Variants in DCAF10 observed in about 807,000 individuals in gnomAD.
The protein encoded by DCAF10 is DDB1 and CUL4 associated factor 10.
A neutral mutation model predicts 51.9 loss-of-function variants in DCAF10; 19 were observed. That is an observed-to-expected ratio of 0.37 (90% CI 0.26 to 0.54). The LOEUF (loss-of-function observed/expected upper bound fraction) is 0.54, where lower values mean the gene tolerates loss of function less well. DCAF10 is among the 20% of genes least tolerant of loss of function. The pLI is 0.87. For missense variants in DCAF10, 510 were observed against 730.6 expected, an observed-to-expected ratio of 0.70 and a Z score of 3.48; for synonymous variants, 291 against 297.1, an observed-to-expected ratio of 0.98 and a Z score of 0.21.
chr9:37,828,445 G>GA (rs1829916371), intron 2 of DCAF10, among the ~76,000 whole-genome samples: 1 of 148,254 alleles, frequency 6.7e-6, no homozygotes, highest in African/African-American at 2.6e-5. Flanking sequence ...CCCCCTCTCA[G>GA]AAAAAAGAAA....
chr9:37,820,135 C>T (rs1232577267), intron 2 of DCAF10, among the ~76,000 whole-genome samples: 2 of 151,826 alleles, frequency 1.3e-5, no homozygotes, highest in Non-Finnish European at 2.9e-5. Context: ...TTTTAATTTT[C>T]TAAAAAAAGA....
chr9:37,844,020 T>C (rs1830407027), intron 3 of DCAF10, among the ~76,000 whole-genome samples: 1 of 152,080 alleles, frequency 6.6e-6, no homozygotes, highest in African/African-American at 2.4e-5. Flanking sequence ...GCAAACAAAA[T>C]AAAGTTTAAG....
intron 2 of DCAF10, among the ~76,000 whole-genome samples, chr9:37,821,547 A>G (rs1020653356): frequency 1.3e-5 from 2 of 152,336 alleles, no homozygotes; most frequent in African/African-American, 4.8e-5. Flanking sequence ...CACCCTTTTC[A>G]ACAAATGGTG....
intron 2 of DCAF10, among the ~76,000 whole-genome samples, chr9:37,821,912 A>T (rs1829712817): frequency 6.7e-6 from 1 of 148,286 alleles, no homozygotes; most frequent in Non-Finnish European, 1.5e-5. Context: ...TCAAATCAGT[A>T]AAAAAAAAAC....
In DCAF10 at chr9:37,800,997, C is replaced by T; in HGVS notation, c.131C>T (p.Ala44Val). 6.5e-7 allele frequency: 1 copy of T among 1,531,698 alleles called. No homozygotes were observed. The highest frequency in any genetic ancestry group is 1.4e-5 in the African/African-American group (1 of 70,808). The allele number at this position is 1,531,698 out of a possible 1,614,324, so 94.9% of individuals were successfully genotyped here. The change falls in exon 1 of 7, where the codon GCG becomes GTG. Residue 44 changes from alanine to valine, a missense_variant. Coordinates refer to ENST00000377724, the MANE Select transcript of DCAF10 (RefSeq NM_024345.5). ...PPSPLHPGAD[A>V]THPPPPARSP... ...TCGCCACTACATCCCGGGGCTGATG[C>T]GACCCATCCCCCTCCACCCGCCCGA...
chr9:37,826,852 T>C, intron 2 of DCAF10, among the ~76,000 whole-genome samples: 1 of 137,494 alleles, frequency 7.3e-6, no homozygotes, highest in Non-Finnish European at 1.5e-5. Context: ...TGAGATGGAG[T>C]TGTGCTCTTG....
intron 2 of DCAF10, among the ~76,000 whole-genome samples, chr9:37,835,679 A>G (rs1830141178): frequency 6.6e-6 from 1 of 152,146 alleles, no homozygotes; most frequent in Non-Finnish European, 1.5e-5. Flanking sequence ...CGGAGGTTGC[A>G]GAGAGCTGAG....
intron 1 of DCAF10, among the ~76,000 whole-genome samples, chr9:37,808,987 G>T (rs890365690): frequency 6.7e-6 from 1 of 149,760 alleles, no homozygotes; most frequent in Admixed American, 6.8e-5. Context: ...ATGTGCCTGT[G>T]GTCCTAGCTA....
At chr9:37,855,638 A>G (rs997177115) in intron 4 of DCAF10, among the ~76,000 whole-genome samples, 5 of 152,212 alleles carry the variant, frequency 3.3e-5, no homozygotes, top group Admixed American at 1.3e-4. Flanking sequence ...CATTTACATT[A>G]TAAACAAAAA....
rs774690008 is a variant in DCAF10, at chr9:37,801,268, C to T, written c.402C>T (p.Arg134=). Residue 134 remains arginine (R), a synonymous_variant, in exon 1 of 7, where the codon CGC becomes CGT. Coordinates refer to ENST00000377724, the MANE Select transcript of DCAF10 (RefSeq NM_024345.5). The surrounding 1 kb of genome is among the most constrained non-coding windows in gnomAD (Gnocchi z 5.5). ...GGCTGAAAGAGCGCAGCCTGGGCCG[C>T]GGGCTGTTCGTGGACCCGGCGCGGG... ...FGWLKERSLG[R]GLFVDPARDN... 1 of 1,593,746 alleles carries T rather than the reference C, an allele frequency of 6.3e-7. No homozygotes were observed. Among genetic ancestry groups the T allele is most frequent in the South Asian group, 1.1e-5 (1 of 87,806 alleles).
chr9:37,801,297 A>G lies in DCAF10; in HGVS notation c.431A>G (p.Asn144Ser), dbSNP rs998606843. Residue 144 changes from asparagine (N) to serine (S), a missense_variant, in exon 1 of 7, where the codon AAT becomes AGT. Physicochemically the swap from Asn to Ser is conservative, Grantham distance 46. Transcript: ENST00000377724. The surrounding 1 kb of genome is among the most constrained non-coding windows in gnomAD (Gnocchi z 5.5). ...CTGTTCGTGGACCCGGCGCGGGACA[A>G]TTTTCGCACCATGACTAGCCTCTAC... ...RGLFVDPARD[N>S]FRTMTSLYGS... The G allele has an allele frequency of 6.3e-7, 1 of 1,597,106 alleles. No individual in the cohort carries two copies. The highest frequency in any genetic ancestry group is 2.3e-5 in the East Asian group (1 of 43,066).
chr9:37,857,963 C>T (rs1029558333), intron 5 of DCAF10, among the ~76,000 whole-genome samples: 2 of 152,164 alleles, frequency 1.3e-5, no homozygotes, highest in Non-Finnish European at 2.9e-5. Flanking sequence ...TACTAACTGA[C>T]GTCTAAGCTC....
chr9:37,811,442 C>T (rs555413666), intron 1 of DCAF10, among the ~76,000 whole-genome samples: 1 of 152,024 alleles, frequency 6.6e-6, no homozygotes, highest in Non-Finnish European at 1.5e-5. Flanking sequence ...GTCTGAAAAA[C>T]CAAGAAAATC....
intron 3 of DCAF10, among the ~76,000 whole-genome samples, chr9:37,844,687 A>G (rs1407895990): frequency 6.6e-6 from 1 of 151,824 alleles, no homozygotes; most frequent in Non-Finnish European, 1.5e-5. Flanking sequence ...AATAAATAAA[A>G]CACAAAAATT....
intron 3 of DCAF10, among the ~76,000 whole-genome samples, chr9:37,851,850 T>A (rs991199209): frequency 6.8e-6 from 1 of 147,354 alleles, no homozygotes; most frequent in African/African-American, 2.6e-5. Context: ...ACCCAGAATA[T>A]AATATGAAAA....
chr9:37,838,022 C>T (rs907977103), intron 2 of DCAF10, among the ~76,000 whole-genome samples: 2 of 136,734 alleles, frequency 1.5e-5, no homozygotes, highest in African/African-American at 5.5e-5. Flanking sequence ...GACCCTGTCT[C>T]AAGAAAAAAA....
intron 3 of DCAF10, among the ~76,000 whole-genome samples, chr9:37,850,827 TATATATATATATATA>T (rs1484040000): frequency 7.6e-4 from 50 of 66,060 alleles, no homozygotes; most frequent in African/African-American, 3.3e-3. Flanking sequence ...GGATATATTT[TATATATATATATATA>T]TATATATATA....
At chr9:37,851,134 C>T (rs989907783) in intron 3 of DCAF10, among the ~76,000 whole-genome samples, 2 of 151,486 alleles carry the variant, frequency 1.3e-5, no homozygotes, top group Admixed American at 6.6e-5. Flanking sequence ...ATCCCAGCTA[C>T]TTGGGAGGCT....
At chr9:37,806,478 T>A (rs541267838) in intron 1 of DCAF10, among the ~76,000 whole-genome samples, 2 of 152,314 alleles carry the variant, frequency 1.3e-5, no homozygotes, top group South Asian at 2.1e-4. Flanking sequence ...CTGGCTTCCC[T>A]AAGAGTAGGG....
Sources: gnomAD v4.1 joint callset for allele counts (sites outside exome capture counted in the v4.1 genomes callset) on GRCh38, gnomAD v4.1.1 for gene constraint, Gnocchi (gnomAD v3.1) non-coding constraint, MANE v1.5 for transcripts, NCBI Gene and HGNC (gene_info 2026-07-23, HGNC 2026-07-21) for gene names.